Variants in FBXL17 observed in about 807,000 individuals in gnomAD.
FBXL17 encodes the protein F-box/LRR-repeat protein 17.
Under a neutral mutation model 66.2 loss-of-function variants are expected in FBXL17, and 22 were observed. That is an observed-to-expected ratio of 0.33 (90% CI 0.24 to 0.47). The LOEUF (loss-of-function observed/expected upper bound fraction) is 0.47. Among genes scored for constraint, FBXL17 ranks in the 20% least tolerant of loss-of-function variants. The probability of loss-of-function intolerance (pLI) is 1.00; values close to 1 mark genes in which losing one functional copy is unlikely to be tolerated. For synonymous variants in FBXL17, 474 were observed against 400.5 expected, an observed-to-expected ratio of 1.18 and a Z score of -2.19; for missense variants, 878 against 948.2, an observed-to-expected ratio of 0.93 and a Z score of 0.97.
intron 6 of FBXL17, among the ~76,000 whole-genome samples, chr5:108,076,259 C>T (rs1748543183): frequency 6.6e-6 from 1 of 152,204 alleles, no homozygotes; most frequent in South Asian, 2.1e-4. Flanking sequence ...CTGGGGACAA[C>T]ACCCAGGCCC....
At chr5:108,110,587 A>G (rs1749993013) in intron 6 of FBXL17, among the ~76,000 whole-genome samples, 2 of 152,202 alleles carry the variant, frequency 1.3e-5, no homozygotes, top group Admixed American at 1.3e-4. Flanking sequence ...AGAGGAGAAG[A>G]AGGCACAAGA....
chr5:107,878,619 C>T (rs1409131256), intron 8 of FBXL17: 9 of 985,188 alleles, frequency 9.1e-6, no homozygotes, highest in Non-Finnish European at 1.1e-5. Context: ...CTCATATCTT[C>T]CTTTGAATCT....
chr5:108,112,765 A>C (rs1049090662), intron 6 of FBXL17, among the ~76,000 whole-genome samples: 1 of 152,236 alleles, frequency 6.6e-6, no homozygotes, highest in Non-Finnish European at 1.5e-5. Context: ...AAAAGATCCA[A>C]ATCAAACTTC....
intron 6 of FBXL17, among the ~76,000 whole-genome samples, chr5:108,167,188 C>T (rs1028561048): frequency 2.6e-5 from 4 of 152,094 alleles, no homozygotes; most frequent in Non-Finnish European, 1.5e-5. Context: ...CACTTCAGTG[C>T]TACCATACCA....
chr5:108,184,747 C>CAAAAA (rs34512714), intron 6 of FBXL17, among the ~76,000 whole-genome samples: 835 of 82,356 alleles, frequency 0.01, 24 homozygotes, highest in African/African-American at 0.035. Flanking sequence ...GACTCGGTCT[C>CAAAAA]AAAAAAAAAA....
intron 7 of FBXL17, among the ~76,000 whole-genome samples, chr5:108,002,347 C>CA (rs886662642): frequency 3.3e-5 from 5 of 151,442 alleles, no homozygotes; most frequent in Non-Finnish European, 5.9e-5. Context: ...TTAAAACAAA[C>CA]AAAAAAAACT....
At chr5:107,949,895 C>T (rs756963392) in intron 7 of FBXL17, among the ~76,000 whole-genome samples, 13 of 152,086 alleles carry the variant, frequency 8.5e-5, no homozygotes, top group South Asian at 2.1e-4. Context: ...TTCCTGAGTT[C>T]GACTATTAGT....
intron 6 of FBXL17, among the ~76,000 whole-genome samples, chr5:108,037,972 C>T (rs1405127440): frequency 1.3e-5 from 2 of 151,930 alleles, no homozygotes; most frequent in Non-Finnish European, 2.9e-5. Context: ...AGAAATGTAA[C>T]GGAAGGAGGC....
intron 4 of FBXL17, among the ~76,000 whole-genome samples, chr5:108,286,407 A>T (rs1757903098): frequency 6.6e-6 from 1 of 152,048 alleles, no homozygotes; most frequent in Admixed American, 6.6e-5. Flanking sequence ...GCATCTGCCC[A>T]AAAGCTCCTT....
At chr5:108,367,986 G>T in intron 1 of FBXL17, 33 bp from the exon 2 acceptor site, 1 of 1,520,180 alleles carries the variant, frequency 6.6e-7, no homozygotes, top group Non-Finnish European at 8.8e-7. Flanking sequence ...TATAATATGT[G>T]CTAAACATTT....
intron 4 of FBXL17, among the ~76,000 whole-genome samples, chr5:108,340,158 C>A (rs1746786800): frequency 6.7e-6 from 1 of 150,194 alleles, no homozygotes; most frequent in Admixed American, 6.6e-5. Flanking sequence ...GAGAAAGATA[C>A]CAATAGACTA....
At chr5:108,055,130 A>G (rs1747636457) in intron 6 of FBXL17, among the ~76,000 whole-genome samples, 2 of 151,962 alleles carry the variant, frequency 1.3e-5, no homozygotes, top group Non-Finnish European at 2.9e-5. Flanking sequence ...GAATTTTTAA[A>G]TTCAATATTG....
rs539946186 is a variant in FBXL17 at position 108,347,466 on chromosome 5, CAT to C, written c.1506+931_1506+932del. 2.0e-5 allele frequency among the ~76,000 whole-genome samples: 3 copies of C among 152,226 alleles called. No individual in the cohort carries two copies. In the South Asian group the frequency reaches 6.2e-4, roughly 32 times the overall value. ...CTTTTAACTGATATGATGTACCTAT[CAT>C]ATAAAAACATAAATGCTTTGGAATA... On this transcript the variant is annotated intron_variant, in intron 4 of 8. Transcript: ENST00000542267.
At chr5:108,344,442 G>T (rs892939631) in intron 4 of FBXL17, among the ~76,000 whole-genome samples, 1 of 152,006 alleles carries the variant, frequency 6.6e-6, no homozygotes, top group Non-Finnish European at 1.5e-5. Context: ...CTATTTTCTT[G>T]AGAATTGAGT....
At chr5:108,369,015 T>C (rs969243935) in intron 1 of FBXL17, among the ~76,000 whole-genome samples, 2 of 152,054 alleles carry the variant, frequency 1.3e-5, no homozygotes, top group African/African-American at 2.4e-5. Context: ...TCTGCTGAAT[T>C]TCACCCTGAC....
intron 6 of FBXL17, among the ~76,000 whole-genome samples, chr5:108,082,587 CTT>C (rs1241597741): frequency 1.3e-5 from 2 of 151,742 alleles, no homozygotes; most frequent in Non-Finnish European, 2.9e-5. Context: ...GTTTTTTCAA[CTT>C]TTCTTTTTTC....
At chr5:108,338,088 T>C (rs1746630202) in intron 4 of FBXL17, among the ~76,000 whole-genome samples, 1 of 152,046 alleles carries the variant, frequency 6.6e-6, no homozygotes, top group Admixed American at 6.6e-5. Flanking sequence ...CAATTTAAAA[T>C]GTATGAAATA....
chr5:108,248,434 AG>A (rs1458993881), intron 4 of FBXL17, among the ~76,000 whole-genome samples: 3 of 152,164 alleles, frequency 2.0e-5, no homozygotes, highest in African/African-American at 7.2e-5. Flanking sequence ...CTGAAATAAA[AG>A]AACATAACCT....
intron 4 of FBXL17, among the ~76,000 whole-genome samples, chr5:108,264,674 C>T (rs990117359): frequency 6.6e-6 from 1 of 152,056 alleles, no homozygotes; most frequent in Non-Finnish European, 1.5e-5. Context: ...TTTCTAAATA[C>T]ATCTCCAGTT....
Sources: allele counts gnomAD v4.1 joint callset (sites outside exome capture counted in the v4.1 genomes callset), GRCh38; gene constraint gnomAD v4.1.1; transcripts MANE v1.5; gene names NCBI Gene and HGNC (gene_info 2026-07-23, HGNC 2026-07-21).